Variants in CCDC43 observed in about 807,000 individuals in gnomAD.
CCDC43 encodes the protein coiled-coil domain containing 43, also known as coiled-coil domain-containing protein 43.
In CCDC43, 20 loss-of-function variants were observed where a neutral mutation model predicts 33.3. The observed-to-expected ratio is 0.60, with a 90% CI of 0.42 to 0.87. The LOEUF is 0.87. CCDC43 is among the 40% of genes least tolerant of loss of function. CCDC43 has a pLI of 0.00. For synonymous variants in CCDC43, 104 were observed against 106.5 expected, an observed-to-expected ratio of 0.98 and a Z score of 0.14; for missense variants, 248 against 269.9, an observed-to-expected ratio of 0.92 and a Z score of 0.57.
chr17:44,686,155 C>T (rs1175757279), intron 1 of CCDC43, among the ~76,000 whole-genome samples: 1 of 152,160 alleles, frequency 6.6e-6, no homozygotes, highest in Non-Finnish European at 1.5e-5. Context: ...CCTCGTGATC[C>T]GCCTGCCTTG....
intron 2 of CCDC43, 116 bp from the exon 3 acceptor site, chr17:44,682,254 A>G: frequency 1.6e-6 from 2 of 1,266,968 alleles, no homozygotes; most frequent in Non-Finnish European, 2.2e-6. Context: ...GCCTCCTTAG[A>G]GCCTGGCAGT....
At chr17:44,688,105 TA>T (rs1165610646) in intron 1 of CCDC43, 1 of 152,074 alleles carries the variant, frequency 6.6e-6, no homozygotes, top group Admixed American at 6.5e-5. Flanking sequence ...TCTACCCTTT[TA>T]AAAAAATGAG....
At chr17:44,681,493 A>G (rs1292921256) in intron 3 of CCDC43, among the ~76,000 whole-genome samples, 3 of 152,184 alleles carry the variant, frequency 2.0e-5, no homozygotes, top group Admixed American at 1.3e-4. Context: ...ACCTGGTCAC[A>G]TAAGAAAGAA....
In CCDC43 at chr17:44,679,052, G is replaced by C; in HGVS notation, c.488-9C>G. ...GGTGTTTCGGAACAGAACTACAGGT[G>C]AGTTAAGGGATTAGGGTACAGGTCA... is the stretch of plus-strand genomic sequence containing the variant. On this transcript the variant is annotated splice_polypyrimidine_tract_variant and intron_variant, in intron 4 of 4. Coordinates refer to ENST00000315286, the MANE Select transcript of CCDC43 (RefSeq NM_144609.3). 1 of 1,610,794 alleles carries C rather than the reference G, an allele frequency of 6.2e-7. No homozygotes were observed. The highest frequency in any genetic ancestry group is 8.5e-7 in the Non-Finnish European group (1 of 1,178,178).
chr17:44,685,448 G>A (rs1389531972), intron 1 of CCDC43, among the ~76,000 whole-genome samples: 2 of 152,144 alleles, frequency 1.3e-5, no homozygotes, highest in African/African-American at 4.8e-5. Context: ...TCCCTCCTCA[G>A]CATGATATAA....
chr17:44,681,997 G>A lies in CCDC43; in HGVS notation c.428+6C>T. 4 of 1,613,974 alleles carry A rather than the reference G, an allele frequency of 2.5e-6. No individual in the cohort carries two copies. The highest frequency in any genetic ancestry group is 3.4e-6 in the Non-Finnish European group (4 of 1,179,876). ...GGGAATGGTGCCGAGACTCCAGAAA[G>A]GATATTCCTCTTCATCTGTCACATC... On this transcript the variant is annotated splice_donor_region_variant and intron_variant, in intron 3 of 4. Coordinates refer to ENST00000315286, the MANE Select transcript of CCDC43 (RefSeq NM_144609.3).
At chr17:44,687,939 G>C (rs1480840370) in intron 1 of CCDC43, 1 of 152,104 alleles carries the variant, frequency 6.6e-6, no homozygotes, top group Non-Finnish European at 1.5e-5. Flanking sequence ...GAACTCAAAT[G>C]GGTTACTGCC....
chr17:44,689,764 G>A lies in CCDC43; in HGVS notation c.-11C>T, dbSNP rs765878212. On this transcript the variant is annotated 5_prime_UTR_variant, in exon 1 of 5. Coordinates refer to ENST00000315286, the MANE Select transcript of CCDC43 (RefSeq NM_144609.3). ...GCTGGGCGCCGCCATCTTGGGGTCA[G>A]GGTCCTGCAAGCCCCTAGGGCGCCT... 3.2e-6 allele frequency: 5 copies of A among 1,545,626 alleles called. No homozygotes were observed. In the African/African-American group the frequency reaches 5.5e-5, roughly 17 times the overall value.
At chr17:44,681,310 T>A (rs1265179225) in intron 3 of CCDC43, among the ~76,000 whole-genome samples, 1 of 152,030 alleles carries the variant, frequency 6.6e-6, no homozygotes, top group Non-Finnish European at 1.5e-5. Flanking sequence ...TGGTGGCACG[T>A]GCCTATAGTC....
chr17:44,681,807 G>T, intron 3 of CCDC43, 196 bp downstream of exon 3: 1 of 601,312 alleles, frequency 1.7e-6, no homozygotes, highest in Non-Finnish European at 2.9e-6. Context: ...ATGATTATGT[G>T]TTGAAAAATA....
chr17:44,679,098 G>A, intron 4 of CCDC43, 55 bp from the exon 5 acceptor site: 1 of 1,393,744 alleles, frequency 7.2e-7, no homozygotes, highest in Non-Finnish European at 9.9e-7. Context: ...ACCTACTGCT[G>A]CCTTTCCTCA....
rs1420482706 is a variant in CCDC43, at chr17:44,680,648, G to A, written c.429-5C>T. On this transcript the variant is annotated splice_polypyrimidine_tract_variant and splice_region_variant and intron_variant, in intron 3 of 4. Transcript: ENST00000315286. The stretch of plus-strand genomic sequence containing the variant: ...TCATCCTTCTCATCTGCTTCAGTAA[G>A]TGATGTTAAGGAAAGTCAGATGGAA... The A allele has an allele frequency of 5.0e-6, 8 of 1,603,654 alleles. No individual in the cohort carries two copies. Among genetic ancestry groups the A allele is most frequent in the East Asian group, 2.2e-5 (1 of 44,662 alleles).
At chr17:44,687,054 C>T (rs1438088101) in intron 1 of CCDC43, among the ~76,000 whole-genome samples, 1 of 152,016 alleles carries the variant, frequency 6.6e-6, no homozygotes, top group Non-Finnish European at 1.5e-5. Flanking sequence ...TTTGGGAGGC[C>T]AAGGCAGGAG....
intron 3 of CCDC43, among the ~76,000 whole-genome samples, chr17:44,681,090 T>A (rs529176204): frequency 6.6e-6 from 1 of 152,188 alleles, no homozygotes; most frequent in South Asian, 2.1e-4. Flanking sequence ...GATGAGAAAT[T>A]ATGTCACCGG....
intron 3 of CCDC43, among the ~76,000 whole-genome samples, chr17:44,680,857 A>G (rs1337317726): frequency 6.6e-6 from 1 of 152,236 alleles, no homozygotes; most frequent in Non-Finnish European, 1.5e-5. Context: ...GGCTGAAAAG[A>G]AACTTAAGTT....
rs772059861 is a variant in CCDC43, at chr17:44,689,509, A to C, written c.204+41T>G. On this transcript the variant is annotated intron_variant, in intron 1 of 4. Transcript: ENST00000315286. ...GTGCAAAGTACTGACAGGTCCTCAG[A>C]TGCTGGCCAGAGGCTGAAGGAATGT... The C allele has an allele frequency of 5.0e-6, 8 of 1,613,110 alleles. No homozygotes were observed. In the South Asian group the frequency reaches 7.7e-5, roughly 16 times the overall value.
rs370630211 is a variant in CCDC43 at position 44,680,599 on chromosome 17, A to G, written c.473T>C (p.Ile158Thr). Residue 158 changes from isoleucine to threonine, a missense_variant, in exon 4 of 5, where the codon ATT becomes ACT. By Grantham distance (89) the Ile-to-Thr change is moderately conservative. Transcript: ENST00000315286. Reference sequence around the variant, plus strand: ...CAGAAGGATACGTTTGTCAGAACCAATGTTCATTGTGGTAGCACCTGAATC... The same window carrying G: ...CAGAAGGATACGTTTGTCAGAACCAGTGTTCATTGTGGTAGCACCTGAATC... The part of the protein sequence containing the change: ...KDDSGATTMN[I>T]GSDKLLFRNT... 1.6e-5 allele frequency: 26 copies of G among 1,607,128 alleles called. No homozygotes were observed. Among genetic ancestry groups the G allele is most frequent in the Middle Eastern group, 1.7e-4 (1 of 6,060 alleles).
intron 4 of CCDC43, 111 bp downstream of exon 4, chr17:44,680,474 T>C (rs1355129892): frequency 2.7e-5 from 20 of 742,622 alleles, no homozygotes; most frequent in Non-Finnish European, 4.9e-5. Context: ...AATGTTAGCA[T>C]GACATGAGTT....
intron 1 of CCDC43, among the ~76,000 whole-genome samples, chr17:44,686,256 A>C (rs1171445311): frequency 6.6e-6 from 1 of 152,226 alleles, no homozygotes; most frequent in East Asian, 1.9e-4. Flanking sequence ...GTGGAGAGTC[A>C]GAACACAGAC....
Sources: gnomAD v4.1 joint callset for allele counts (sites outside exome capture counted in the v4.1 genomes callset) on GRCh38, gnomAD v4.1.1 for gene constraint, MANE v1.5 for transcripts, NCBI Gene and HGNC (gene_info 2026-07-23, HGNC 2026-07-21) for gene names.